The following PCCA variants were observed in gnomAD, a reference collection of about 807,000 sequenced individuals.
The protein encoded by PCCA is propionyl-CoA carboxylase alpha chain, mitochondrial.
Under a neutral mutation model 101.3 loss-of-function variants are expected in PCCA, and 74 were observed. That is an observed-to-expected ratio of 0.73 (90% confidence interval 0.61 to 0.89). The LOEUF is 0.89. Ranked by LOEUF, PCCA falls within the 40% of genes least tolerant of loss-of-function variation. PCCA has a pLI of 0.00. For synonymous variants in PCCA, 294 were observed against 313.6 expected (o/e 0.94, Z 0.66); for missense variants, 891 against 907.0 (o/e 0.98, Z 0.23).
intron 6 of PCCA, among the ~76,000 whole-genome samples, chr13:100,194,711 G>T (rs535488221): frequency 1.3e-5 from 2 of 152,210 alleles, no homozygotes; most frequent in African/African-American, 4.8e-5. Context: ...GAGCCACTGC[G>T]CCCGGCCGTA....
chr13:100,168,604 AAGTT>A (rs1179492742), intron 6 of PCCA, among the ~76,000 whole-genome samples: 2 of 152,212 alleles, frequency 1.3e-5, no homozygotes, highest in Non-Finnish European at 2.9e-5. Context: ...GAAAATATTC[AAGTT>A]CTACCTAGGT....
chr13:100,321,071 T>C (rs2067983521), intron 16 of PCCA, among the ~76,000 whole-genome samples: 1 of 152,188 alleles, frequency 6.6e-6, no homozygotes, highest in African/African-American at 2.4e-5. Flanking sequence ...TAGCTACTTA[T>C]CTTTGGGTCC....
intron 12 of PCCA, among the ~76,000 whole-genome samples, chr13:100,279,057 G>T (rs2063880917): frequency 6.6e-6 from 1 of 152,108 alleles, no homozygotes; most frequent in Admixed American, 6.5e-5. Flanking sequence ...CTCACCGGTG[G>T]TCTGGGCCCC....
At chr13:100,242,288 ACTT>A (rs1198192498) in intron 8 of PCCA, among the ~76,000 whole-genome samples, 3 of 152,244 alleles carry the variant, frequency 2.0e-5, no homozygotes, top group Admixed American at 1.3e-4. Flanking sequence ...GACAAGATAA[ACTT>A]TAAGTCCAAA....
intron 17 of PCCA, among the ~76,000 whole-genome samples, chr13:100,339,676 C>T (rs554822302): frequency 2.6e-5 from 4 of 152,238 alleles, no homozygotes; most frequent in Non-Finnish European, 4.4e-5. Flanking sequence ...AGAATCACGG[C>T]GTGATATTCT....
rs1368939528 is a variant in PCCA at position 100,300,998 on chromosome 13, C to T, written c.1066-462C>T. ...AGATTACACTAATCTGGCTGCTTGT[C>T]AGGACAGGTTAGTGAAAGCATGCAA... is the stretch of plus-strand genomic sequence containing the variant. On this transcript the variant is annotated intron_variant, in intron 12 of 23. Coordinates refer to ENST00000376285, the MANE Select transcript of PCCA (RefSeq NM_000282.4). Among the ~76,000 whole-genome samples the T allele has an allele frequency of 2.0e-5, 3 of 152,202 alleles. No homozygotes were observed. The East Asian group carries it at 5.8e-4, about 29-fold the overall frequency.
intron 7 of PCCA, among the ~76,000 whole-genome samples, chr13:100,226,474 A>G (rs2060148780): frequency 6.6e-6 from 1 of 152,106 alleles, no homozygotes; most frequent in Non-Finnish European, 1.5e-5. Context: ...CGGCGTTGAC[A>G]CTAATACCAC....
intron 7 of PCCA, among the ~76,000 whole-genome samples, chr13:100,216,478 GCTGCTCT>G (rs2059525707): frequency 6.6e-6 from 1 of 152,248 alleles, no homozygotes; most frequent in South Asian, 2.1e-4. Flanking sequence ...TGGCAGGGAT[GCTGCTCT>G]CTTTATTACT....
At chr13:100,497,714 G>A (rs1349246257) in intron 21 of PCCA, among the ~76,000 whole-genome samples, 1 of 152,148 alleles carries the variant, frequency 6.6e-6, no homozygotes, top group African/African-American at 2.4e-5. Flanking sequence ...CTAAATTTCA[G>A]TGATGTCTAG....
intron 20 of PCCA, among the ~76,000 whole-genome samples, chr13:100,435,571 A>G (rs972273346): frequency 2.0e-4 from 30 of 152,350 alleles, no homozygotes; most frequent in Admixed American, 1.8e-3. Flanking sequence ...CATAAGTTTA[A>G]TATTACCCAT....
intron 19 of PCCA, among the ~76,000 whole-genome samples, chr13:100,400,354 A>G (rs1342101728): frequency 6.6e-6 from 1 of 152,168 alleles, no homozygotes; most frequent in Non-Finnish European, 1.5e-5. Flanking sequence ...CCTTTTATCA[A>G]AAAGTACCCA....
intron 7 of PCCA, among the ~76,000 whole-genome samples, chr13:100,227,950 AT>A (rs1459171387): frequency 1.3e-5 from 2 of 152,160 alleles, no homozygotes; most frequent in African/African-American, 4.8e-5. Context: ...CAAATGAAAA[AT>A]TTTTAAGGGA....
chr13:100,131,918 G>A (rs958907061), intron 4 of PCCA, among the ~76,000 whole-genome samples: 1 of 152,122 alleles, frequency 6.6e-6, no homozygotes, highest in African/African-American at 2.4e-5. Context: ...TTGTAAGTGT[G>A]GAACAGGAGG....
chr13:100,203,675 C>T (rs990251475), intron 6 of PCCA, among the ~76,000 whole-genome samples: 2 of 151,962 alleles, frequency 1.3e-5, no homozygotes, highest in Non-Finnish European at 2.9e-5. Flanking sequence ...AGTGAGACTT[C>T]GTATCAAGAC....
intron 12 of PCCA, among the ~76,000 whole-genome samples, chr13:100,279,192 T>A (rs9518042): frequency 0.5 from 76,631 of 152,044 alleles, 19,591 homozygotes; most frequent in African/African-American, 0.58. Flanking sequence ...CGTGCTATTT[T>A]AATAGCATTC....
At chr13:100,425,794 T>G (rs2079101796) in intron 20 of PCCA, 63 bp downstream of exon 20, 7 of 1,018,528 alleles carry the variant, frequency 6.9e-6, no homozygotes, top group Non-Finnish European at 1.1e-5. Flanking sequence ...TCAGCACCTG[T>G]GTGGCTAATA....
At chr13:100,432,812 C>T (rs1440077461) in intron 20 of PCCA, among the ~76,000 whole-genome samples, 4 of 152,112 alleles carry the variant, frequency 2.6e-5, no homozygotes, top group African/African-American at 9.7e-5. Flanking sequence ...CCTATGTTTC[C>T]ATGCATAGAA....
At position 100,346,912 on chromosome 13, in the gene PCCA, C is replaced by T. The variant is rs188416259; in HGVS notation, c.1643+6653C>T. Among the ~76,000 whole-genome samples, 575 of 151,874 alleles carry T rather than the reference C, an allele frequency of 3.8e-3. 1 individual carries two copies. The highest frequency in any genetic ancestry group is 0.017 in the Middle Eastern group (5 of 294). On this transcript the variant is annotated intron_variant, in intron 18 of 23. Coordinates refer to ENST00000376285, the MANE Select transcript of PCCA (RefSeq NM_000282.4). ...TTTTGGAGATGGAGTCTCGCTCTGT[C>T]GCCCAGGCTGGAGGGCAGTGGTGTG... is the stretch of plus-strand genomic sequence containing the variant.
chr13:100,089,496 G>A (rs2046080308), intron 1 of PCCA, among the ~76,000 whole-genome samples: 1 of 152,264 alleles, frequency 6.6e-6, no homozygotes, highest in African/African-American at 2.4e-5. Flanking sequence ...GCCCTCCGAG[G>A]CGGCTGATGG....
Sources: allele counts gnomAD v4.1 joint callset (sites outside exome capture counted in the v4.1 genomes callset), GRCh38; gene constraint gnomAD v4.1.1; transcripts MANE v1.5; gene names NCBI Gene and HGNC (gene_info 2026-07-23, HGNC 2026-07-21).